Variants in MACROD2 observed in about 807,000 individuals in gnomAD.
MACROD2 encodes mono-ADP ribosylhydrolase 2, also known as ADP-ribose glycohydrolase MACROD2.
MACROD2 carries 36 observed loss-of-function variants against 70.4 expected under a neutral mutation model. The observed-to-expected ratio is 0.51, with a 90% CI of 0.39 to 0.68. The LOEUF (loss-of-function observed/expected upper bound fraction) is 0.68. Among genes scored for constraint, MACROD2 ranks in the 30% least tolerant of loss-of-function variants. The pLI is 0.00. For missense variants in MACROD2, 496 were observed against 538.4 expected (o/e 0.92, Z 0.78); for synonymous variants, 172 against 178.8 (o/e 0.96, Z 0.30).
intron 7 of MACROD2, among the ~76,000 whole-genome samples, chr20:15,464,857 C>T (rs1191708566): frequency 6.6e-6 from 1 of 152,170 alleles, no homozygotes; most frequent in African/African-American, 2.4e-5. Flanking sequence ...GGATACATGT[C>T]TTAGTCATCC....
intron 5 of MACROD2, among the ~76,000 whole-genome samples, chr20:15,079,890 G>A (rs921892088): frequency 6.6e-6 from 1 of 151,926 alleles, no homozygotes; most frequent in African/African-American, 2.4e-5. Context: ...AACATCATTA[G>A]CATCAACTCC....
Position 14,536,173 on chromosome 20 carries a change from A to G in MACROD2, c.301+42665A>G, listed in dbSNP as rs191106590. Among the ~76,000 whole-genome samples, 389 of 152,212 alleles carry G rather than the reference A, an allele frequency of 2.6e-3. 2 individuals carry two copies. Among genetic ancestry groups the G allele is most frequent in the African/African-American group, 8.8e-3 (367 of 41,550 alleles). On this transcript the variant is annotated intron_variant, in intron 4 of 17. Coordinates refer to ENST00000684519, the MANE Select transcript of MACROD2 (RefSeq NM_001351661.2). The stretch of plus-strand genomic sequence containing the variant: ...CTGATACCCAACAACATATATGTGT[A>G]TATATATATGCACAACGTTGACTTC...
intron 5 of MACROD2, among the ~76,000 whole-genome samples, chr20:15,190,115 C>T (rs1023169903): frequency 3.3e-5 from 5 of 152,122 alleles, no homozygotes; most frequent in African/African-American, 7.2e-5. Flanking sequence ...CTATAATGTA[C>T]TCTCAGTTTA....
intron 6 of MACROD2, among the ~76,000 whole-genome samples, chr20:15,418,446 C>T (rs1194009177): frequency 6.6e-6 from 1 of 152,194 alleles, no homozygotes; most frequent in African/African-American, 2.4e-5. Context: ...CTATCCATAG[C>T]ACCTGGCCCA....
At chr20:15,394,235 T>C (rs981132440) in intron 6 of MACROD2, among the ~76,000 whole-genome samples, 1 of 152,220 alleles carries the variant, frequency 6.6e-6, no homozygotes, top group African/African-American at 2.4e-5. Flanking sequence ...GAAAAAACAT[T>C]TTCTGTCTTT....
chr20:15,794,108 G>A (rs1327561978), intron 8 of MACROD2, among the ~76,000 whole-genome samples: 6 of 151,902 alleles, frequency 3.9e-5, no homozygotes, highest in Non-Finnish European at 7.4e-5. Context: ...GGGATATGCT[G>A]TCTTATTTGT....
intron 4 of MACROD2, among the ~76,000 whole-genome samples, chr20:14,522,975 T>A (rs2085186768): frequency 1.3e-5 from 2 of 152,210 alleles, no homozygotes; most frequent in Non-Finnish European, 2.9e-5. Flanking sequence ...GGTCTCACAG[T>A]CACGCCTTTT....
intron 5 of MACROD2, among the ~76,000 whole-genome samples, chr20:15,183,661 C>A (rs987185095): frequency 6.6e-6 from 1 of 152,158 alleles, no homozygotes. Context: ...GAGAGTAAAA[C>A]CTCCTGATGT....
At chr20:14,740,375 A>G (rs780692191) in intron 5 of MACROD2, among the ~76,000 whole-genome samples, 12 of 152,234 alleles carry the variant, frequency 7.9e-5, no homozygotes, top group Non-Finnish European at 1.8e-4. Flanking sequence ...CACCCTACTA[A>G]ATAATTCAAC....
intron 5 of MACROD2, among the ~76,000 whole-genome samples, chr20:14,764,917 T>C (rs991874574): frequency 6.6e-6 from 1 of 152,052 alleles, no homozygotes. Flanking sequence ...AACCCAGGAA[T>C]TTCTCCACCC....
intron 5 of MACROD2, among the ~76,000 whole-genome samples, chr20:14,718,763 A>G (rs1028331185): frequency 3.3e-5 from 5 of 151,738 alleles, no homozygotes; most frequent in Admixed American, 1.3e-4. Flanking sequence ...CCAGAAAATG[A>G]TAAAATAATA....
intron 5 of MACROD2, among the ~76,000 whole-genome samples, chr20:15,088,183 C>A (rs910821149): frequency 6.6e-6 from 1 of 151,392 alleles, no homozygotes; most frequent in Admixed American, 6.6e-5. Flanking sequence ...AATCAGTTTG[C>A]AATATATGAG....
intron 3 of MACROD2, among the ~76,000 whole-genome samples, chr20:14,204,561 C>G (rs2081507479): frequency 6.6e-6 from 1 of 152,184 alleles, no homozygotes; most frequent in African/African-American, 2.4e-5. Context: ...ATACTAGTCT[C>G]AGGGCCCATG....
chr20:15,326,118 A>T (rs2077926123), intron 6 of MACROD2, among the ~76,000 whole-genome samples: 1 of 152,194 alleles, frequency 6.6e-6, no homozygotes, highest in Non-Finnish European at 1.5e-5. Context: ...GATGCTGAAA[A>T]TACATTTAGA....
intron 7 of MACROD2, among the ~76,000 whole-genome samples, chr20:15,461,292 T>G (rs2046815797): frequency 6.6e-6 from 1 of 152,164 alleles, no homozygotes; most frequent in Non-Finnish European, 1.5e-5. Flanking sequence ...AAAGTAACAT[T>G]GTCTAGCTAT....
chr20:15,984,195 C>T (rs2066443805), intron 13 of MACROD2, among the ~76,000 whole-genome samples: 1 of 152,004 alleles, frequency 6.6e-6, no homozygotes, highest in South Asian at 2.1e-4. Flanking sequence ...ACTTTAATGT[C>T]CAGTTCACAG....
chr20:15,367,921 G>C (rs2045435412), intron 6 of MACROD2, among the ~76,000 whole-genome samples: 1 of 151,824 alleles, frequency 6.6e-6, no homozygotes, highest in Non-Finnish European at 1.5e-5. Context: ...AATTTTAGAG[G>C]TCTCACAGTT....
intron 6 of MACROD2, among the ~76,000 whole-genome samples, chr20:15,360,055 C>G (rs531416190): frequency 5.9e-5 from 9 of 152,248 alleles, no homozygotes; most frequent in African/African-American, 1.4e-4. Flanking sequence ...TATCTACCCT[C>G]TCTATAATTT....
chr20:16,021,807 C>G (rs2067005235), intron 15 of MACROD2, among the ~76,000 whole-genome samples: 2 of 152,274 alleles, frequency 1.3e-5, no homozygotes, highest in East Asian at 3.9e-4. Flanking sequence ...TTTATGTTCT[C>G]CACTCTGACT....
Sources: gnomAD v4.1 joint callset for allele counts (sites outside exome capture counted in the v4.1 genomes callset) on GRCh38, gnomAD v4.1.1 for gene constraint, MANE v1.5 for transcripts, NCBI Gene and HGNC (gene_info 2026-07-23, HGNC 2026-07-21) for gene names.